The following KCNQ5 variants were observed in gnomAD, a reference collection of about 807,000 sequenced individuals.
The protein encoded by KCNQ5 is potassium voltage-gated channel subfamily Q member 5.
A neutral mutation model predicts 98.2 loss-of-function variants in KCNQ5; 30 were observed. That is an observed-to-expected ratio of 0.31 (90% CI 0.23 to 0.41). KCNQ5 has a LOEUF of 0.41. Ranked by LOEUF, KCNQ5 falls within the 10% of genes least tolerant of loss-of-function variation. The probability of loss-of-function intolerance (pLI) is 1.00; values close to 1 mark genes in which losing one functional copy is unlikely to be tolerated. For missense variants in KCNQ5, 835 were observed against 1,182.5 expected, an observed-to-expected ratio of 0.71 and a Z score of 4.31; for synonymous variants, 458 against 449.4, an observed-to-expected ratio of 1.02 and a Z score of -0.24.
intron 1 of KCNQ5, among the ~76,000 whole-genome samples, chr6:72,774,993 A>C (rs866863236): frequency 1.3e-5 from 2 of 152,200 alleles, no homozygotes; most frequent in Non-Finnish European, 2.9e-5. Flanking sequence ...CCATATGTTC[A>C]TGAAAAGACA....
intron 1 of KCNQ5, among the ~76,000 whole-genome samples, chr6:72,668,745 C>T (rs1388886759): frequency 7.0e-6 from 1 of 142,548 alleles, no homozygotes; most frequent in Non-Finnish European, 1.5e-5. Flanking sequence ...AGCTCATGTG[C>T]TCTCTCCCCA....
In KCNQ5 at chr6:73,002,703, A is replaced by G. The variant is rs370381255; in HGVS notation, c.399-1205A>G. 8.1e-4 allele frequency among the ~76,000 whole-genome samples: 123 copies of G among 152,296 alleles called. 2 individuals are homozygous for G. The South Asian group carries it at 0.025, about 31-fold the overall frequency. On this transcript the variant is annotated intron_variant, in intron 1 of 13. Transcript: ENST00000370398. ...CTGTGGGCCTTACTGACCCTGTTAT[A>G]ACTACTCAGTTCTGCAATCATAGCA...
intron 1 of KCNQ5, among the ~76,000 whole-genome samples, chr6:72,802,619 C>T (rs1320305796): frequency 2.0e-5 from 3 of 152,004 alleles, no homozygotes; most frequent in Non-Finnish European, 4.4e-5. Flanking sequence ...TAACATAGAT[C>T]GTAAGACATA....
chr6:73,197,678 C>G lies in KCNQ5; in HGVS notation c.*2264C>G, dbSNP rs1006790574. ...ACCTAAAGCCAGACACCTGCCGTGACTGGGCAGGCTCTCTCCCATTATTAA... is the reference window on the plus strand; with the variant it reads ...ACCTAAAGCCAGACACCTGCCGTGAGTGGGCAGGCTCTCTCCCATTATTAA... On this transcript the variant is annotated 3_prime_UTR_variant, in exon 14 of 14. Transcript: ENST00000370398. 6.6e-6 allele frequency: 1 copy of G among 150,538 alleles called. No homozygotes were observed. Among genetic ancestry groups the G allele is most frequent in the African/African-American group, 2.5e-5 (1 of 40,520 alleles). The allele number at this position is 150,538 out of a possible 1,614,324, so 9.3% of individuals were successfully genotyped here.
intron 2 of KCNQ5, among the ~76,000 whole-genome samples, chr6:73,012,519 A>C (rs773133558): frequency 4.6e-5 from 7 of 152,120 alleles, no homozygotes; most frequent in Non-Finnish European, 8.8e-5. Context: ...CAGCATTACA[A>C]GAAGAAAAGA....
chr6:72,799,677 C>T (rs1026232743), intron 1 of KCNQ5, among the ~76,000 whole-genome samples: 2 of 152,170 alleles, frequency 1.3e-5, no homozygotes, highest in Non-Finnish European at 2.9e-5. Context: ...GAAATGAATA[C>T]GATGGAGGCA....
chr6:72,739,647 T>A (rs905941567), intron 1 of KCNQ5, among the ~76,000 whole-genome samples: 13 of 152,158 alleles, frequency 8.5e-5, no homozygotes, highest in African/African-American at 3.1e-4. Flanking sequence ...AAAATCACAG[T>A]CACCTAAATA....
chr6:72,702,381 A>G (rs780908917), intron 1 of KCNQ5, among the ~76,000 whole-genome samples: 25 of 152,192 alleles, frequency 1.6e-4, no homozygotes, highest in Non-Finnish European at 3.2e-4. Flanking sequence ...AAATATGAAC[A>G]TTCCTGAGTT....
intron 1 of KCNQ5, among the ~76,000 whole-genome samples, chr6:72,884,022 A>T (rs1478662825): frequency 6.6e-6 from 1 of 152,220 alleles, no homozygotes; most frequent in Admixed American, 6.5e-5. Context: ...GACATATATG[A>T]TAGTCTTCTT....
At chr6:72,835,709 G>A (rs1239463665) in intron 1 of KCNQ5, among the ~76,000 whole-genome samples, 2 of 152,154 alleles carry the variant, frequency 1.3e-5, no homozygotes, top group Non-Finnish European at 2.9e-5. Flanking sequence ...CTGAGGTGTA[G>A]AGAGATTAAG....
At chr6:72,692,454 TC>T (rs757835602) in intron 1 of KCNQ5, among the ~76,000 whole-genome samples, 1 of 152,198 alleles carries the variant, frequency 6.6e-6, no homozygotes, top group Non-Finnish European at 1.5e-5. Flanking sequence ...TATTTGAATG[TC>T]TCTTTCCTTC....
At chr6:72,699,928 C>T (rs933820592) in intron 1 of KCNQ5, among the ~76,000 whole-genome samples, 1 of 152,172 alleles carries the variant, frequency 6.6e-6, no homozygotes, top group Admixed American at 6.5e-5. Flanking sequence ...CCTTACTTTT[C>T]ACACATAATT....
chr6:73,031,303 C>T (rs1771130886), intron 2 of KCNQ5, among the ~76,000 whole-genome samples: 1 of 152,192 alleles, frequency 6.6e-6, no homozygotes, highest in Admixed American at 6.5e-5. Flanking sequence ...AATAAGCCCA[C>T]ACTGTCACTA....
chr6:72,644,096 A>G (rs970235341), intron 1 of KCNQ5, among the ~76,000 whole-genome samples: 1 of 152,192 alleles, frequency 6.6e-6, no homozygotes, highest in African/African-American at 2.4e-5. Flanking sequence ...AAATACACAC[A>G]TAGTAGGTTG....
intron 1 of KCNQ5, among the ~76,000 whole-genome samples, chr6:72,661,901 C>T (rs1422437068): frequency 6.6e-6 from 1 of 152,008 alleles, no homozygotes; most frequent in East Asian, 1.9e-4. Flanking sequence ...GGACTGTTTC[C>T]AAATTATTTA....
intron 1 of KCNQ5, among the ~76,000 whole-genome samples, chr6:72,708,827 T>C (rs2154474943): frequency 6.6e-6 from 1 of 152,234 alleles, no homozygotes; most frequent in Middle Eastern, 3.4e-3. Context: ...ACAAATACTT[T>C]TTTTTTTCAG....
intron 1 of KCNQ5, among the ~76,000 whole-genome samples, chr6:72,888,225 CAAGGA>C (rs1212248098): frequency 6.6e-6 from 1 of 152,040 alleles, no homozygotes; most frequent in South Asian, 2.1e-4. Flanking sequence ...CTAGGCAGTA[CAAGGA>C]AGGTTTTTCG....
intron 11 of KCNQ5, among the ~76,000 whole-genome samples, chr6:73,170,549 G>A (rs1181063606): frequency 1.5e-5 from 2 of 135,418 alleles, no homozygotes; most frequent in Admixed American, 8.3e-5. Flanking sequence ...GTCAAGGAAT[G>A]CTGAGTAACT....
intron 5 of KCNQ5, among the ~76,000 whole-genome samples, chr6:73,087,130 T>C (rs1774019754): frequency 6.6e-6 from 1 of 152,146 alleles, no homozygotes; most frequent in Non-Finnish European, 1.5e-5. Context: ...ATGATACCCC[T>C]TGCAGGTATA....
Sources: allele counts gnomAD v4.1 joint callset (sites outside exome capture counted in the v4.1 genomes callset), GRCh38; gene constraint gnomAD v4.1.1; transcripts MANE v1.5; gene names NCBI Gene and HGNC (gene_info 2026-07-23, HGNC 2026-07-21).